Variants in NEK11 observed in about 807,000 individuals in gnomAD.
NEK11 encodes NIMA related kinase 11, also known as serine/threonine-protein kinase Nek11.
Under a neutral mutation model 80.7 loss-of-function variants are expected in NEK11, and 72 were observed. The ratio of observed to expected loss-of-function variants is 0.89; its 90% CI spans 0.74 to 1.08. The LOEUF (loss-of-function observed/expected upper bound fraction) is 1.08. Among genes scored for constraint, NEK11 ranks in the 50% least tolerant of loss-of-function variants. NEK11 has a pLI of 0.00. For synonymous variants in NEK11, 251 were observed against 260.7 expected (o/e 0.96, Z 0.36); for missense variants, 764 against 763.6 (o/e 1.00, Z -0.01).
chr3:131,320,334 G>A (rs2096884227), intron 17 of NEK11, among the ~76,000 whole-genome samples: 1 of 152,130 alleles, frequency 6.6e-6, no homozygotes, highest in African/African-American at 2.4e-5. Context: ...TTAGAAGTCA[G>A]GAGTAAATGT....
At chr3:131,202,623 C>G (rs2094283628) in intron 14 of NEK11, among the ~76,000 whole-genome samples, 1 of 152,040 alleles carries the variant, frequency 6.6e-6, no homozygotes, top group Non-Finnish European at 1.5e-5. Flanking sequence ...AAGAAACTAC[C>G]ATCAGAGTGA....
intron 3 of NEK11, among the ~76,000 whole-genome samples, chr3:131,073,040 T>C (rs948744161): frequency 6.6e-6 from 1 of 152,198 alleles, no homozygotes; most frequent in African/African-American, 2.4e-5. Context: ...CTTTTCTCCA[T>C]GTGACTTCCA....
intron 16 of NEK11, among the ~76,000 whole-genome samples, chr3:131,252,850 A>G (rs1476821761): frequency 6.6e-6 from 1 of 152,148 alleles, no homozygotes; most frequent in Non-Finnish European, 1.5e-5. Context: ...GTGCACACTC[A>G]CCCCAATTTA....
At position 131,087,235 on chromosome 3, in the gene NEK11, C is replaced by CTTT. The variant is rs59630167; in HGVS notation, c.336+6668_336+6670dup. ...GCCAAAAGGAAGAAATATGCAAATT[C>CTTT]TTTTTTTTTTTTTTTTTTTTTTTGA... On this transcript the variant is annotated intron_variant, in intron 4 of 17. Transcript: ENST00000383366. Among the ~76,000 whole-genome samples, 480 of 81,196 alleles carry CTTT rather than the reference C, an allele frequency of 5.9e-3. 4 individuals carry two copies. Among genetic ancestry groups the CTTT allele is most frequent in the Middle Eastern group, 0.011 (1 of 94 alleles). The allele number at this position is 81,196 out of a possible 152,430, so 53.3% of individuals were successfully genotyped here. A position where few individuals can be genotyped will look rare whatever the true frequency, so the allele number is the denominator to read the frequency against.
intron 3 of NEK11, among the ~76,000 whole-genome samples, chr3:131,049,258 A>G (rs2067947906): frequency 6.6e-6 from 1 of 152,234 alleles, no homozygotes; most frequent in Admixed American, 6.5e-5. Flanking sequence ...ATTATGTTCT[A>G]TGTAGAATCT....
intron 17 of NEK11, chr3:131,325,904 G>C (rs2096960193): frequency 6.6e-6 from 1 of 152,176 alleles, no homozygotes. Context: ...GTTGTGATTG[G>C]ATGCCAGATT....
intron 16 of NEK11, among the ~76,000 whole-genome samples, chr3:131,247,308 T>G (rs1337542836): frequency 2.6e-5 from 4 of 152,116 alleles, no homozygotes; most frequent in Non-Finnish European, 5.9e-5. Context: ...AGGTGAGAGA[T>G]GAGGATCCAG....
chr3:131,037,196 A>G (rs2109476551), intron 3 of NEK11, among the ~76,000 whole-genome samples: 1 of 146,142 alleles, frequency 6.8e-6, no homozygotes, highest in South Asian at 2.3e-4. Context: ...TCACTGAGAA[A>G]TGACAGGCAT....
intron 9 of NEK11, among the ~76,000 whole-genome samples, chr3:131,153,768 G>C (rs2090128583): frequency 6.6e-6 from 1 of 152,174 alleles, no homozygotes. Flanking sequence ...CTGTCCTTTT[G>C]AAGCTTGACT....
chr3:131,311,718 G>A (rs1164373211), intron 17 of NEK11, among the ~76,000 whole-genome samples: 1 of 152,210 alleles, frequency 6.6e-6, no homozygotes, highest in South Asian at 2.1e-4. Context: ...GACGTTTGCC[G>A]CTTGGAAGTG....
chr3:131,196,034 GTTA>G lies in NEK11; in HGVS notation c.1399+25156_1399+25158del, dbSNP rs573188520. Among the ~76,000 whole-genome samples the G allele has an allele frequency of 4.9e-3, 747 of 151,326 alleles. 2 individuals are homozygous for G. The highest frequency in any genetic ancestry group is 8.0e-3 in the Non-Finnish European group (545 of 67,834). Reference sequence around the variant, plus strand: ...ATAATATATTGAAAGTCCTTTGTAAGTTATTATTATTTATGATAAATATTAAAT... The same window carrying G: ...ATAATATATTGAAAGTCCTTTGTAAGTTATTATTTATGATAAATATTAAAT... On this transcript the variant is annotated intron_variant, in intron 14 of 17. Transcript: ENST00000383366.
At chr3:131,165,080 A>G (rs1197047948) in intron 11 of NEK11, among the ~76,000 whole-genome samples, 1 of 152,210 alleles carries the variant, frequency 6.6e-6, no homozygotes, top group Non-Finnish European at 1.5e-5. Flanking sequence ...TCATCCTGAA[A>G]GCAGTTTTTG....
At chr3:131,190,003 C>T (rs2093732839) in intron 14 of NEK11, among the ~76,000 whole-genome samples, 1 of 152,108 alleles carries the variant, frequency 6.6e-6, no homozygotes, top group South Asian at 2.1e-4. Context: ...GACTTTATAT[C>T]TCTACTATTT....
At chr3:131,333,468 C>T (rs1238073038) in intron 17 of NEK11, among the ~76,000 whole-genome samples, 7 of 152,202 alleles carry the variant, frequency 4.6e-5, no homozygotes, top group African/African-American at 1.7e-4. Flanking sequence ...CTGAAGGAAG[C>T]ACTAAACATG....
At chr3:131,060,431 C>G (rs1010335127) in intron 3 of NEK11, among the ~76,000 whole-genome samples, 31 of 152,186 alleles carry the variant, frequency 2.0e-4, no homozygotes, top group Admixed American at 1.8e-3. Flanking sequence ...GTTTATCTGG[C>G]AAAACATTCT....
chr3:131,214,045 G>A (rs2094727658), intron 14 of NEK11, among the ~76,000 whole-genome samples: 1 of 152,158 alleles, frequency 6.6e-6, no homozygotes, highest in Admixed American at 6.6e-5. Context: ...TGCAAATCAG[G>A]AAGGGAGCCT....
intron 3 of NEK11, among the ~76,000 whole-genome samples, chr3:131,058,764 A>T (rs138414771): frequency 3.3e-5 from 5 of 152,188 alleles, no homozygotes; most frequent in Non-Finnish European, 7.3e-5. Context: ...TTTAGCTGCT[A>T]AGATAGTCAT....
At chr3:131,140,888 C>T (rs1362780270) in intron 7 of NEK11, among the ~76,000 whole-genome samples, 11 of 152,078 alleles carry the variant, frequency 7.2e-5, no homozygotes, top group African/African-American at 4.8e-5. Context: ...TCAACGTCAC[C>T]CCTAGCACTG....
intron 3 of NEK11, among the ~76,000 whole-genome samples, chr3:131,065,011 A>G (rs1283511412): frequency 1.3e-5 from 2 of 152,212 alleles, no homozygotes; most frequent in Non-Finnish European, 2.9e-5. Flanking sequence ...GAAGGCACAA[A>G]GGCATGAAAA....
Sources: gnomAD v4.1 joint callset for allele counts (sites outside exome capture counted in the v4.1 genomes callset) on GRCh38, gnomAD v4.1.1 for gene constraint, MANE v1.5 for transcripts, NCBI Gene and HGNC (gene_info 2026-07-23, HGNC 2026-07-21) for gene names.